Variants in NIBAN3 observed in about 807,000 individuals in gnomAD.
The protein encoded by NIBAN3 is niban apoptosis regulator 3.
In NIBAN3, 66 loss-of-function variants were observed where a neutral mutation model predicts 76.4. The ratio of observed to expected loss-of-function variants is 0.86; its 90% CI spans 0.71 to 1.06. NIBAN3 has a LOEUF of 1.06. Ranked by LOEUF, NIBAN3 falls within the 50% of genes least tolerant of loss-of-function variation. The pLI is 0.00. For synonymous variants in NIBAN3, 360 were observed against 355.2 expected (o/e 1.01, Z -0.15); for missense variants, 808 against 810.7 (o/e 1.00, Z 0.04).
At chr19:17,544,240 G>T (rs1353226818) in intron 12 of NIBAN3, among the ~76,000 whole-genome samples, 1 of 152,090 alleles carries the variant, frequency 6.6e-6, no homozygotes, top group Non-Finnish European at 1.5e-5. Context: ...AGGCTGCAGT[G>T]AGCTAGGATC....
At chr19:17,524,394 T>A (rs1303690232), upstream of NIBAN3, among the ~76,000 whole-genome samples, 1 of 152,100 alleles carries the variant, frequency 6.6e-6, no homozygotes, top group Non-Finnish European at 1.5e-5. Flanking sequence ...CAAGTGATTC[T>A]CCTGACTCAG....
upstream of NIBAN3, chr19:17,523,476 G>A (rs757524740): frequency 1.3e-6 from 2 of 1,560,552 alleles, no homozygotes; most frequent in South Asian, 2.4e-5. Context: ...AAACAGCAAA[G>A]AGAGCTGAGC....
rs1335016613 is a variant in NIBAN3 at position 17,546,670 on chromosome 19, C to A, written c.1555-16C>A. 3 of 1,532,152 alleles carry A rather than the reference C, an allele frequency of 2.0e-6. No individual in the cohort carries two copies. The highest frequency in any genetic ancestry group is 2.0e-5 in the Admixed American group (1 of 48,992). The allele number at this position is 1,532,152 out of a possible 1,614,324, so 94.9% of individuals were successfully genotyped here. On this transcript the variant is annotated splice_polypyrimidine_tract_variant and intron_variant, in intron 12 of 14. Transcript: ENST00000599164. ...CCCTCCTCTCCATCCGAGCCCCTAA[C>A]CCGCCATGGTTCCAGGAGCTGCCTG...
At position 17,539,228 on chromosome 19, in the gene NIBAN3, T is replaced by C. The variant is rs2075887967; in HGVS notation, c.674T>C (p.Phe225Ser). ...VRLYRQHQGH[F>S]GDDDVTLGSD... ...CTCTACCGGCAGCACCAAGGCCACT[T>C]TGGCGACGACGACGTGACCCTAGGC... Residue 225 changes from phenylalanine to serine, a missense_variant, in exon 6 of 15, where the codon TTT (phenylalanine) becomes TCT (serine). Physicochemically the swap from Phe to Ser is radical, Grantham distance 155 (BLOSUM62 -2). Transcript: ENST00000599164. 3 of 1,608,662 alleles carry C rather than the reference T, an allele frequency of 1.9e-6. No individual in the cohort carries two copies. Among genetic ancestry groups the C allele is most frequent in the South Asian group, 1.1e-5 (1 of 90,250 alleles).
intron 12 of NIBAN3, among the ~76,000 whole-genome samples, chr19:17,544,196 A>G (rs895318036): frequency 9.2e-5 from 14 of 151,512 alleles, no homozygotes; most frequent in African/African-American, 3.4e-4. Context: ...CTGGAGGCCA[A>G]GAGGTGGGAG....
At chr19:17,523,585 A>G (rs964780936), upstream of NIBAN3, 3 of 722,572 alleles carry the variant, frequency 4.2e-6, no homozygotes, top group East Asian at 2.9e-5. Flanking sequence ...CTGCCAGCAC[A>G]GGGACCCCAC....
chr19:17,555,234 G>GACAT (rs1172812296), downstream of NIBAN3, among the ~76,000 whole-genome samples: 1 of 152,144 alleles, frequency 6.6e-6, no homozygotes, highest in Non-Finnish European at 1.5e-5. Flanking sequence ...AACCCTCAAT[G>GACAT]ACATCCCTGT....
intron 4 of NIBAN3, among the ~76,000 whole-genome samples, chr19:17,536,750 A>G (rs953041274): frequency 1.3e-5 from 2 of 152,142 alleles, no homozygotes; most frequent in African/African-American, 4.8e-5. Context: ...TTGTCTTGTC[A>G]ATAATTCTAG....
upstream of NIBAN3, among the ~76,000 whole-genome samples, chr19:17,526,919 G>A (rs566498596): frequency 6.6e-6 from 1 of 152,194 alleles, no homozygotes; most frequent in East Asian, 1.9e-4. Flanking sequence ...CCTCTCTGGG[G>A]TCCAGCCTCA....
intron 1 of NIBAN3, among the ~76,000 whole-genome samples, chr19:17,528,961 C>T (rs934490735): frequency 6.6e-6 from 1 of 152,036 alleles, no homozygotes; most frequent in African/African-American, 2.4e-5. Context: ...ACTGAGGAGA[C>T]AATGATCAAG....
chr19:17,552,078 T>TG lies in NIBAN3; in HGVS notation c.*180_*181insG, dbSNP rs1209023925. The stretch of plus-strand genomic sequence containing the variant: ...ATTTTCCCCAAGGCTTTCTTTATTT[T>TG]AATTTTTTTTTTTTTTTTGAGACTG... On this transcript the variant is annotated 3_prime_UTR_variant, in exon 15 of 15. Coordinates refer to ENST00000599164, the MANE Select transcript of NIBAN3 (RefSeq NM_001321827.2). The TG allele has an allele frequency of 1.3e-5, 5 of 386,748 alleles. No homozygotes were observed. Among genetic ancestry groups the TG allele is most frequent in the Admixed American group, 4.9e-5 (1 of 20,376 alleles). The allele number at this position is 386,748 out of a possible 1,614,324, so 24.0% of individuals were successfully genotyped here.
intron 10 of NIBAN3, 51 bp from the exon 11 acceptor site, chr19:17,543,266 C>A: frequency 7.6e-7 from 1 of 1,318,336 alleles, no homozygotes; most frequent in Admixed American, 2.2e-5. Flanking sequence ...GAGTGGGGCC[C>A]GGGAGGCTGG....
At chr19:17,539,856 T>C in intron 8 of NIBAN3, 91 bp downstream of exon 8, 1 of 1,041,622 alleles carries the variant, frequency 9.6e-7, no homozygotes, top group Non-Finnish European at 1.3e-6. Context: ...GGCTTGAAGT[T>C]ATGTAAAATG....
chr19:17,532,399 G>T lies in NIBAN3; in HGVS notation c.312+11G>T, dbSNP rs533125143. The T allele has an allele frequency of 6.2e-7, 1 of 1,614,062 alleles. No homozygotes were observed. Among genetic ancestry groups the T allele is most frequent in the Admixed American group, 1.7e-5 (1 of 59,994 alleles). On this transcript the variant is annotated intron_variant, in intron 3 of 14. Coordinates refer to ENST00000599164, the MANE Select transcript of NIBAN3 (RefSeq NM_001321827.2). The stretch of plus-strand genomic sequence containing the variant: ...TTCAGCCACAAGGAGGTGCGTGATT[G>T]GCACGTGGCCTTTCTACTTCTGGGT...
intron 8 of NIBAN3, 125 bp downstream of exon 8, chr19:17,539,890 G>C (rs968875734): frequency 1.7e-5 from 12 of 722,510 alleles, no homozygotes; most frequent in Non-Finnish European, 2.4e-5. Context: ...AGAGGGGCGG[G>C]GCCAAGCATA....
chr19:17,539,383 G>C lies in NIBAN3; in HGVS notation c.748G>C (p.Ala250Pro), dbSNP rs754707320. 24 of 1,541,254 alleles carry C rather than the reference G, an allele frequency of 1.6e-5. No individual in the cohort carries two copies. In the East Asian group the frequency reaches 5.6e-4, roughly 36 times the overall value. ...TAVLMREQLP[A>P]LRAQTLPGLR... ...GGTGCTGATGCGGGAGCAACTTCCC[G>C]CGCTGCGAGCCCAGACCCTTCCTGG... The change falls in exon 7 of 15, where the codon GCG (alanine) becomes CCG (proline). Residue 250 changes from alanine to proline, a missense_variant. Physicochemically the swap from Ala to Pro is conservative, Grantham distance 27 (BLOSUM62 -1). Coordinates refer to ENST00000599164, the MANE Select transcript of NIBAN3 (RefSeq NM_001321827.2).
chr19:17,540,651 G>A (rs1373706614), intron 9 of NIBAN3, 69 bp downstream of exon 9: 2 of 1,178,682 alleles, frequency 1.7e-6, no homozygotes, highest in East Asian at 3.1e-5. Context: ...TTCCTGTGGA[G>A]AATCTTCACT....
At chr19:17,533,419 A>C in intron 3 of NIBAN3, 168 bp from the exon 4 acceptor site, 1 of 388,778 alleles carries the variant, frequency 2.6e-6, no homozygotes, top group East Asian at 3.9e-5. Context: ...CAAAAACAAA[A>C]AAAAAAAAAA....
chr19:17,553,987 C>T (rs11881849), downstream of NIBAN3: 16,776 of 157,924 alleles, frequency 0.11, 989 homozygotes, highest in East Asian at 0.25. Flanking sequence ...TCTCCTGCCT[C>T]GGCCTCCGTA....
Sources: allele counts gnomAD v4.1 joint callset (sites outside exome capture counted in the v4.1 genomes callset), GRCh38; gene constraint gnomAD v4.1.1; transcripts MANE v1.5; gene names NCBI Gene and HGNC (gene_info 2026-07-23, HGNC 2026-07-21).